Variants in DAG1 observed in about 807,000 individuals in gnomAD.
DAG1 encodes the protein dystroglycan 1.
In DAG1, 8 loss-of-function variants were observed where a neutral mutation model predicts 46.1. That is an observed-to-expected ratio of 0.17 (90% CI 0.10 to 0.31). DAG1 has a LOEUF of 0.31. Among genes scored for constraint, DAG1 ranks in the 10% least tolerant of loss-of-function variants. DAG1 has a pLI of 1.00. For missense variants in DAG1, 1,003 were observed against 1,189.9 expected, an observed-to-expected ratio of 0.84 and a Z score of 2.31; for synonymous variants, 495 against 481.8, an observed-to-expected ratio of 1.03 and a Z score of -0.36.
In DAG1 at chr3:49,531,134, T is replaced by A; in HGVS notation, c.623T>A (p.Ile208Asn). The change falls in exon 3 of 3, where the codon ATT becomes AAT. Residue 208 changes from isoleucine to asparagine, a missense_variant. By Grantham distance (149) the Ile-to-Asn change is moderately radical. Transcript: ENST00000308775. The surrounding 1 kb of genome is among the most constrained non-coding windows in gnomAD (Gnocchi z 7.0). ...DLTKMTPKQRIDLLHRMRSFS... is the reference protein window; with the variant it reads ...DLTKMTPKQRNDLLHRMRSFS... ...ACCAAGATGACCCCAAAGCAAAGGATTGACCTCCTGCACAGGATGCGGAGC... is the reference window on the plus strand; with the variant it reads ...ACCAAGATGACCCCAAAGCAAAGGAATGACCTCCTGCACAGGATGCGGAGC... 1.9e-6 allele frequency: 3 copies of A among 1,614,126 alleles called. No individual in the cohort carries two copies. The highest frequency in any genetic ancestry group is 2.5e-6 in the Non-Finnish European group (3 of 1,180,014).
At chr3:49,469,738 T>C (rs1436685083), upstream of DAG1, among the ~76,000 whole-genome samples, 1 of 152,220 alleles carries the variant, frequency 6.6e-6, no homozygotes, top group Non-Finnish European at 1.5e-5. Flanking sequence ...CTTTCATCCT[T>C]TGCAATTGAG....
chr3:49,488,619 T>C (rs995794918), intron 1 of DAG1: 2 of 152,098 alleles, frequency 1.3e-5, no homozygotes, highest in African/African-American at 2.4e-5. Flanking sequence ...TTATTTTTTT[T>C]TGATAGGGAT....
At chr3:49,500,919 A>T (rs1035051513) in intron 1 of DAG1, among the ~76,000 whole-genome samples, 2 of 152,194 alleles carry the variant, frequency 1.3e-5, no homozygotes, top group African/African-American at 4.8e-5. Context: ...GACTGTGTAA[A>T]AAAAACTTCC....
chr3:49,488,025 A>G (rs1490257929), intron 1 of DAG1, among the ~76,000 whole-genome samples: 7 of 151,798 alleles, frequency 4.6e-5, no homozygotes, highest in African/African-American at 1.5e-4. Context: ...CTTGATAGCA[A>G]TTTTCCTGAG....
chr3:49,514,344 C>T (rs1203043251), intron 2 of DAG1, among the ~76,000 whole-genome samples: 1 of 152,162 alleles, frequency 6.6e-6, no homozygotes, highest in Non-Finnish European at 1.5e-5. Flanking sequence ...GAAAAAAAAT[C>T]TGTGGTTTCT....
At chr3:49,478,295 A>C (rs893133048) in intron 1 of DAG1, among the ~76,000 whole-genome samples, 1 of 150,416 alleles carries the variant, frequency 6.6e-6, no homozygotes, top group African/African-American at 2.4e-5. Context: ...AAAAAGAAAA[A>C]AAAGTGGAAA....
At chr3:49,516,927 C>T (rs1055209615) in intron 2 of DAG1, among the ~76,000 whole-genome samples, 4 of 149,888 alleles carry the variant, frequency 2.7e-5, no homozygotes, top group African/African-American at 7.4e-5. Context: ...AGCTAAGTGA[C>T]TTATCTCGGA....
chr3:49,495,515 G>A (rs1247920527), intron 1 of DAG1, among the ~76,000 whole-genome samples: 1 of 152,110 alleles, frequency 6.6e-6, no homozygotes, highest in Non-Finnish European at 1.5e-5. Flanking sequence ...TGCAACGCGG[G>A]TGCAAGGGTG....
At chr3:49,501,862 A>G (rs1319856101) in intron 1 of DAG1, among the ~76,000 whole-genome samples, 1 of 151,894 alleles carries the variant, frequency 6.6e-6, no homozygotes, top group African/African-American at 2.4e-5. Context: ...AAAGGCCAGT[A>G]AAGAAAACAC....
intron 1 of DAG1, among the ~76,000 whole-genome samples, chr3:49,507,756 G>T (rs1042522823): frequency 2.0e-5 from 3 of 150,864 alleles, no homozygotes; most frequent in Non-Finnish European, 4.4e-5. Context: ...GCCTTGAACT[G>T]CTGGGCTCAA....
intron 1 of DAG1, among the ~76,000 whole-genome samples, chr3:49,490,595 G>T (rs1350132485): frequency 6.7e-6 from 1 of 150,322 alleles, no homozygotes; most frequent in Non-Finnish European, 1.5e-5. Context: ...TTTGGGACAG[G>T]GTCTTGCTCT....
chr3:49,481,233 CAAA>C (rs1359492611), intron 1 of DAG1, among the ~76,000 whole-genome samples: 1 of 114,394 alleles, frequency 8.7e-6, no homozygotes, highest in Admixed American at 9.0e-5. Context: ...ACTAAAAATA[CAAA>C]AAAAAAAAAA....
Position 49,527,696 on chromosome 3 carries a change from C to G in DAG1, c.286-3101C>G, listed in dbSNP as rs1264901488. On this transcript the variant is annotated intron_variant, in intron 2 of 2. Transcript: ENST00000308775. ...CCAGCCTGGGTGATAGAGTGAGACG[C>G]TGTCTAAAAAAAAAAAGTGCCCTTG... Among the ~76,000 whole-genome samples the G allele has an allele frequency of 2.0e-5, 3 of 151,922 alleles. No homozygotes were observed. The East Asian group carries it at 5.8e-4, about 29-fold the overall frequency.
At chr3:49,492,307 G>A (rs2050210821) in intron 1 of DAG1, among the ~76,000 whole-genome samples, 1 of 152,158 alleles carries the variant, frequency 6.6e-6, no homozygotes, top group East Asian at 1.9e-4. Context: ...TAAAATAAAT[G>A]TTTTATTTAC....
intron 1 of DAG1, chr3:49,488,752 G>A (rs1011764240): frequency 2.6e-5 from 4 of 152,030 alleles, no homozygotes; most frequent in African/African-American, 9.7e-5. Context: ...ACAGGTGCGT[G>A]CCACTATGAC....
At position 49,531,794 on chromosome 3, in the gene DAG1, G is replaced by A. The variant is rs780793711; in HGVS notation, c.1283G>A (p.Arg428Gln). Residue 428 changes from arginine (R) to glutamine (Q), a missense_variant, in exon 3 of 3, where the codon CGA becomes CAA. By Grantham distance (43) the Arg-to-Gln change is conservative. Coordinates refer to ENST00000308775, the MANE Select transcript of DAG1 (RefSeq NM_004393.6). This position sits in a 1 kb window ranked among gnomAD's most constrained non-coding sequence, Gnocchi z 7.0. Reference sequence around the variant, plus strand: ...CCCACAACCACCACCAAGAAGCCACGAGTATCCACACCAAAACCAGCAACG... The same window carrying A: ...CCCACAACCACCACCAAGAAGCCACAAGTATCCACACCAAAACCAGCAACG... ...TPPTTTTKKP[R>Q]VSTPKPATPS... 5.8e-5 allele frequency: 94 copies of A among 1,613,252 alleles called. No individual in the cohort carries two copies. The highest frequency in any genetic ancestry group is 8.3e-5 in the Admixed American group (5 of 59,920).
rs770996993 is a variant in DAG1 at position 49,510,576 on chromosome 3, G to A, written c.42G>A (p.Ser14=). The A allele has an allele frequency of 6.2e-7, 1 of 1,613,720 alleles. No individual in the cohort carries two copies. Among genetic ancestry groups the A allele is most frequent in the African/African-American group, 1.3e-5 (1 of 74,826 alleles). The change falls in exon 2 of 3, where the codon TCG becomes TCA. Residue 14 remains serine, a synonymous_variant. Coordinates refer to ENST00000308775, the MANE Select transcript of DAG1 (RefSeq NM_004393.6). ...SVGLSLLLPL[S]GRTFLLLLSV... is the part of the protein sequence containing the mutation. Reference sequence around the variant, plus strand: ...GCCTCTCGCTGCTGCTGCCCCTCTCGGGGAGGACCTTTCTCCTCCTGCTCT... The same window carrying A: ...GCCTCTCGCTGCTGCTGCCCCTCTCAGGGAGGACCTTTCTCCTCCTGCTCT...
intron 1 of DAG1, among the ~76,000 whole-genome samples, chr3:49,503,262 CTGATTGG>C (rs2050507087): frequency 6.6e-6 from 1 of 152,142 alleles, no homozygotes; most frequent in South Asian, 2.1e-4. Context: ...TTTGGCCCAT[CTGATTGG>C]TGTGGAAAGG....
At chr3:49,490,405 G>T (rs1190408728) in intron 1 of DAG1, among the ~76,000 whole-genome samples, 3 of 149,650 alleles carry the variant, frequency 2.0e-5, no homozygotes, top group Admixed American at 2.0e-4. Flanking sequence ...CAGAAAAATT[G>T]CAAGAATAAT....
Sources: gnomAD v4.1 joint callset for allele counts (sites outside exome capture counted in the v4.1 genomes callset) on GRCh38, gnomAD v4.1.1 for gene constraint, Gnocchi (gnomAD v3.1) non-coding constraint, MANE v1.5 for transcripts, NCBI Gene and HGNC (gene_info 2026-07-23, HGNC 2026-07-21) for gene names.